The following SYNE2 variants were observed in gnomAD, a reference collection of about 807,000 sequenced individuals.
SYNE2 encodes spectrin repeat containing nuclear envelope protein 2, also known as nesprin-2.
SYNE2 carries 431 observed loss-of-function variants against 856.3 expected under a neutral mutation model. The observed-to-expected ratio is 0.50, with a 90% CI of 0.47 to 0.55. The LOEUF (loss-of-function observed/expected upper bound fraction) is 0.55, where lower values mean the gene tolerates loss of function less well. SYNE2 is among the 20% of genes least tolerant of loss of function. The pLI is 0.00. For synonymous variants in SYNE2, 2,923 were observed against 2,872.3 expected (o/e 1.02, Z -0.56); for missense variants, 8,129 against 8,023.2 (o/e 1.01, Z -0.50).
intron 45 of SYNE2, among the ~76,000 whole-genome samples, chr14:64,047,705 A>G (rs1218054263): frequency 6.6e-6 from 1 of 152,178 alleles, no homozygotes; most frequent in East Asian, 1.9e-4. Flanking sequence ...TAAAGCATAC[A>G]CTTTTGGGGT....
intron 46 of SYNE2, 193 bp from the exon 47 acceptor site, chr14:64,049,418 C>G (rs2097208192): frequency 1.7e-5 from 3 of 180,104 alleles, no homozygotes; most frequent in Admixed American, 7.3e-5. Flanking sequence ...TGCACTCCAG[C>G]CTGGGTGACA....
chr14:64,139,936 G>A lies in SYNE2; in HGVS notation c.14844-5G>A, dbSNP rs17825431. On this transcript the variant is annotated splice_polypyrimidine_tract_variant and splice_region_variant and intron_variant, in intron 79 of 115. Coordinates refer to ENST00000555002, the MANE Select transcript of SYNE2 (RefSeq NM_182914.3). ...CTGCCTTCTCTCTCACTTTGCTCCT[G>A]TTAGTTATAACAGAGATTCGGATCA... 2.5e-6 allele frequency: 4 copies of A among 1,613,814 alleles called. No homozygotes were observed. The South Asian group carries it at 3.3e-5, about 13-fold the overall frequency.
chr14:63,921,999 T>C (rs1337687239), intron 2 of SYNE2, among the ~76,000 whole-genome samples: 2 of 152,174 alleles, frequency 1.3e-5, no homozygotes, highest in Non-Finnish European at 2.9e-5. Flanking sequence ...TTTCAATAGA[T>C]GTTTTGTTTT....
intron 1 of SYNE2, among the ~76,000 whole-genome samples, chr14:63,833,358 T>G (rs1297466863): frequency 3.3e-5 from 5 of 152,232 alleles, no homozygotes; most frequent in Admixed American, 1.3e-4. Flanking sequence ...AAATCTATAG[T>G]GCTTATCTTC....
At chr14:63,874,020 G>A (rs1320350986) in intron 1 of SYNE2, 1 of 152,176 alleles carries the variant, frequency 6.6e-6, no homozygotes, top group Non-Finnish European at 1.5e-5. Context: ...TTGTTTTCAA[G>A]GATCTTAAGC....
At chr14:64,067,877 G>A (rs1026414856) in intron 51 of SYNE2, among the ~76,000 whole-genome samples, 1 of 152,070 alleles carries the variant, frequency 6.6e-6, no homozygotes, top group African/African-American at 2.4e-5. Context: ...ATGTGAGGCC[G>A]GCTTCTTCCA....
chr14:64,221,206 A>G (rs1464218724), intron 111 of SYNE2, among the ~76,000 whole-genome samples: 1 of 152,098 alleles, frequency 6.6e-6, no homozygotes, highest in Non-Finnish European at 1.5e-5. Flanking sequence ...TGTCTCAGGG[A>G]ACGTGAGCCC....
chr14:64,209,937 T>C lies in SYNE2; in HGVS notation c.18541-5T>C. ...TTTGGCTCTGACCCCTCCCATGTGA[T>C]GCAGGCCTTTCAGCGGCAGATTCAT... On this transcript the variant is annotated splice_region_variant and splice_polypyrimidine_tract_variant and intron_variant, in intron 102 of 115. Transcript: ENST00000555002. 2.1e-5 allele frequency: 34 copies of C among 1,614,118 alleles called. No homozygotes were observed. The highest frequency in any genetic ancestry group is 2.9e-5 in the Non-Finnish European group (34 of 1,180,038).
chr14:63,949,873 C>G lies in SYNE2; in HGVS notation c.457C>G (p.Leu153Val). 6.2e-7 allele frequency: 1 copy of G among 1,614,174 alleles called. No homozygotes were observed. The highest frequency in any genetic ancestry group is 1.3e-5 in the African/African-American group (1 of 75,038). ...TLSCNYNQPS[L>V]DDVSVVDSSP... is the part of the protein sequence containing the mutation. ...TTCTTGCAATTACAATCAGCCTTCCCTGGATGATGTGAGTGTGGTTGACTC... is the reference window on the plus strand; with the variant it reads ...TTCTTGCAATTACAATCAGCCTTCCGTGGATGATGTGAGTGTGGTTGACTC... Residue 153 changes from leucine (L) to valine (V), a missense_variant, in exon 7 of 116, where the codon CTG becomes GTG. This residue lies in a region of SYNE2 where 2,422 missense variants were observed against 2,357.4 expected (regional missense o/e 1.03). Transcript: ENST00000555002.
chr14:63,979,263 A>G (rs2096567752), intron 14 of SYNE2, among the ~76,000 whole-genome samples: 1 of 152,252 alleles, frequency 6.6e-6, no homozygotes, highest in South Asian at 2.1e-4. Context: ...AACCAGGTCT[A>G]TTAATGTAAT....
intron 6 of SYNE2, among the ~76,000 whole-genome samples, chr14:63,948,796 A>ATATGTATGTGTGTGTGTG (rs1566884838): frequency 1.7e-4 from 14 of 83,658 alleles, no homozygotes; most frequent in African/African-American, 9.1e-4. Context: ...ATATATATAT[A>ATATGTATGTGTGTGTGTG]TATATATATA....
intron 84 of SYNE2, among the ~76,000 whole-genome samples, chr14:64,149,663 G>A (rs1270330889): frequency 6.6e-6 from 1 of 152,184 alleles, no homozygotes; most frequent in African/African-American, 2.4e-5. Context: ...TCGTGATAAA[G>A]TCAGAGGAAT....
In SYNE2 at chr14:63,780,818, C is replaced by G. The variant is rs112842387; in HGVS notation, c.-305+18832C>G. On this transcript the variant is annotated intron_variant, in intron 1 of 23. Transcript: ENST00000674003. Reference sequence around the variant, plus strand: ...ATCTATGCTTCATTTGCATGTTGTTCTAGAACAGGGAACACTTATCTGTAG... The same window carrying G: ...ATCTATGCTTCATTTGCATGTTGTTGTAGAACAGGGAACACTTATCTGTAG... Among the ~76,000 whole-genome samples, 126 of 152,216 alleles carry G rather than the reference C, an allele frequency of 8.3e-4. 1 individual carries two copies. The highest frequency in any genetic ancestry group is 2.9e-3 in the African/African-American group (119 of 41,566).
chr14:64,057,896 G>A (rs911668122), intron 49 of SYNE2, among the ~76,000 whole-genome samples: 1 of 152,150 alleles, frequency 6.6e-6, no homozygotes, highest in Non-Finnish European at 1.5e-5. Flanking sequence ...CTTCATATCT[G>A]TTTGCCATTT....
chr14:63,853,918 G>C (rs1435769065), intron 1 of SYNE2, among the ~76,000 whole-genome samples: 1 of 152,160 alleles, frequency 6.6e-6, no homozygotes. Context: ...TGTTGAAAAG[G>C]GCGGGGCGGG....
chr14:64,130,579 AG>A (rs1315190724), intron 76 of SYNE2, among the ~76,000 whole-genome samples: 1 of 152,242 alleles, frequency 6.6e-6, no homozygotes, highest in Non-Finnish European at 1.5e-5. Context: ...AAGGTGACTT[AG>A]GAAAGTTAGA....
In SYNE2 at chr14:63,961,644, A is replaced by G; in HGVS notation, c.888+19A>G. On this transcript the variant is annotated intron_variant, in intron 9 of 115. Transcript: ENST00000555002. ...GGCTCAGGTATGTTTTCATATGCAT[A>G]AATCAAGCTCATTTTAGTTGTATCC... The G allele has an allele frequency of 6.4e-7, 1 of 1,556,800 alleles. No homozygotes were observed. Among genetic ancestry groups the G allele is most frequent in the South Asian group, 1.1e-5 (1 of 89,528 alleles).
chr14:64,115,821 C>A (rs1046966140), intron 66 of SYNE2, among the ~76,000 whole-genome samples: 3 of 151,818 alleles, frequency 2.0e-5, no homozygotes, highest in African/African-American at 4.8e-5. Context: ...CACAAAATTC[C>A]AGTGGAAAAA....
intron 64 of SYNE2, among the ~76,000 whole-genome samples, chr14:64,104,543 G>T (rs1161221002): frequency 6.7e-6 from 1 of 150,350 alleles, no homozygotes; most frequent in East Asian, 2.0e-4. Context: ...TCTGCCTCCT[G>T]GGTTCAAGCG....
Sources: allele counts gnomAD v4.1 joint callset (sites outside exome capture counted in the v4.1 genomes callset), GRCh38; gene constraint gnomAD v4.1.1; regional missense constraint gnomAD v4.1.1; transcripts MANE v1.5; gene names NCBI Gene and HGNC (gene_info 2026-07-23, HGNC 2026-07-21).